The following ASCC2 variants were observed in gnomAD, a reference collection of about 807,000 sequenced individuals.
ASCC2 encodes the protein activating signal cointegrator 1 complex subunit 2.
In ASCC2, 42 loss-of-function variants were observed where a neutral mutation model predicts 93.5. The ratio of observed to expected loss-of-function variants is 0.45; its 90% CI spans 0.35 to 0.58. The LOEUF is 0.58. Among genes scored for constraint, ASCC2 ranks in the 20% least tolerant of loss-of-function variants. The pLI is 0.00. For missense variants in ASCC2, 859 were observed against 977.6 expected (o/e 0.88, Z 1.62); for synonymous variants, 364 against 384.2 (o/e 0.95, Z 0.62).
intron 15 of ASCC2, among the ~76,000 whole-genome samples, chr22:29,797,564 G>A (rs963404795): frequency 1.7e-4 from 26 of 152,154 alleles, no homozygotes; most frequent in African/African-American, 6.0e-4. Context: ...CCTTAACCTC[G>A]CTAAGTCTCA....
intron 12 of ASCC2, 120 bp from the exon 13 acceptor site, chr22:29,804,950 AAGT>A: frequency 1.2e-5 from 13 of 1,059,206 alleles, no homozygotes; most frequent in Non-Finnish European, 1.7e-5. Flanking sequence ...GGCTATATCT[AAGT>A]GGTATAGCCC....
intron 5 of ASCC2, among the ~76,000 whole-genome samples, chr22:29,817,896 C>T (rs1435869266): frequency 6.6e-6 from 1 of 152,168 alleles, no homozygotes; most frequent in African/African-American, 2.4e-5. Context: ...AATGGAGATA[C>T]TGCCAAGTAG....
intron 2 of ASCC2, chr22:29,827,418 T>C (rs1259135752): frequency 5.9e-6 from 2 of 336,162 alleles, no homozygotes; most frequent in African/African-American, 2.2e-5. Flanking sequence ...TATAGAAAAA[T>C]TGAGACTGAT....
At chr22:29,801,570 G>A (rs910020982) in intron 14 of ASCC2, among the ~76,000 whole-genome samples, 1 of 152,200 alleles carries the variant, frequency 6.6e-6, no homozygotes, top group Non-Finnish European at 1.5e-5. Context: ...GCTGTCCCAT[G>A]GGGCCTTCAG....
intron 2 of ASCC2, among the ~76,000 whole-genome samples, chr22:29,830,713 G>T (rs560272833): frequency 6.6e-6 from 1 of 152,202 alleles, no homozygotes; most frequent in East Asian, 1.9e-4. Context: ...CTCTTAGGTC[G>T]TGGGCTCTTC....
Position 29,789,029 on chromosome 22 carries a change from C to T in ASCC2, c.2258G>A (p.Gly753Asp), listed in dbSNP as rs779699735. The change falls in exon 20 of 20, where the codon GGC becomes GAC. Residue 753 changes from glycine (G) to aspartate (D), a missense_variant. Physicochemically the swap from Gly to Asp is moderately conservative, Grantham distance 94. Coordinates refer to ENST00000307790, the MANE Select transcript of ASCC2 (RefSeq NM_032204.5). ...RTMADRKRSKGMIPS is the reference protein window; with the variant it reads ...RTMADRKRSKDMIPS ...CACCAGGTCTCAGGATGGGATCATG[C>T]CTTTGCTCCTCTTGCGGTCGGCCAT... 6.2e-7 allele frequency: 1 copy of T among 1,614,166 alleles called. No individual in the cohort carries two copies. Among genetic ancestry groups the T allele is most frequent in the South Asian group, 1.1e-5 (1 of 91,082 alleles).
rs182095405 is a variant in ASCC2, at chr22:29,835,594, C to G, written c.-18+2584G>C. Among the ~76,000 whole-genome samples, 6 of 152,218 alleles carry G rather than the reference C, an allele frequency of 3.9e-5. No homozygotes were observed. In the East Asian group the frequency reaches 7.7e-4, roughly 20 times the overall value. ...ACCTTGAGACAGTTCCCTAACCTCT[C>G]TAACTTTTGATTGCCTCTTCTGTAA... On this transcript the variant is annotated intron_variant, in intron 1 of 19. Transcript: ENST00000307790.
intron 8 of ASCC2, among the ~76,000 whole-genome samples, chr22:29,811,511 A>G (rs1270525990): frequency 2.0e-5 from 3 of 152,256 alleles, no homozygotes; most frequent in African/African-American, 4.8e-5. Context: ...GGGATTATCA[A>G]CAAAGCTGAT....
At chr22:29,790,339 A>T in intron 19 of ASCC2, 130 bp downstream of exon 19, 1 of 864,824 alleles carries the variant, frequency 1.2e-6, no homozygotes, top group Non-Finnish European at 1.8e-6. Flanking sequence ...TAGCTACTTC[A>T]CTGGGTTGTC....
At chr22:29,800,857 G>T in intron 15 of ASCC2, 134 bp downstream of exon 15, 1 of 1,153,736 alleles carries the variant, frequency 8.7e-7, no homozygotes, top group Non-Finnish European at 1.2e-6. Context: ...GGGTGCACAG[G>T]TCTAGGGTTG....
rs1194597959 is a variant in ASCC2 at position 29,827,841 on chromosome 22, A to G, written c.82-2061T>C. Among the ~76,000 whole-genome samples, 55 of 122,646 alleles carry G rather than the reference A, an allele frequency of 4.5e-4. 3 individuals carry two copies. The highest frequency in any genetic ancestry group is 1.3e-3 in the African/African-American group (40 of 30,274). 80.5% of individuals were successfully genotyped at this position (122,646 alleles called of 152,430 possible). ...CACACACACACACACATACACCCAGACTACTCATTCTCCTGACACACACAC... is the reference window on the plus strand; with the variant it reads ...CACACACACACACACATACACCCAGGCTACTCATTCTCCTGACACACACAC... On this transcript the variant is annotated intron_variant, in intron 2 of 19. Transcript: ENST00000307790.
In ASCC2 at chr22:29,828,262, G is replaced by A. The variant is rs138086788; in HGVS notation, c.82-2482C>T. On this transcript the variant is annotated intron_variant, in intron 2 of 19. Coordinates refer to ENST00000307790, the MANE Select transcript of ASCC2 (RefSeq NM_032204.5). ...CAAAAGGGCACAGATTGCACTGGGC[G>A]GTGGGAGACAGATTTGGTGAATGCT... Among the ~76,000 whole-genome samples the A allele has an allele frequency of 2.8e-3, 422 of 152,302 alleles. 2 individuals are homozygous for A. The highest frequency in any genetic ancestry group is 9.6e-3 in the African/African-American group (399 of 41,566).
Position 29,792,480 on chromosome 22 carries a change from C to T in ASCC2, c.1975G>A (p.Glu659Lys). The T allele has an allele frequency of 6.2e-7, 1 of 1,614,104 alleles. No homozygotes were observed. Among genetic ancestry groups the T allele is most frequent in the South Asian group, 1.1e-5 (1 of 91,084 alleles). Reference protein sequence around the residue: ...RTKVPREGQEEDDDDEEDDAD... With the variant: ...RTKVPREGQEKDDDDEEDDAD... Reference sequence around the variant, plus strand: ...TCGTCTTCCTCATCGTCGTCATCCTCCTCCTGCCCTTCTCTAGGCACTTTG... The same window carrying T: ...TCGTCTTCCTCATCGTCGTCATCCTTCTCCTGCCCTTCTCTAGGCACTTTG... Residue 659 changes from glutamate to lysine, a missense_variant, in exon 18 of 20, where the codon GAG (glutamate) becomes AAG (lysine). Physicochemically the swap from Glu to Lys is moderately conservative, Grantham distance 56. Transcript: ENST00000307790.
chr22:29,835,867 G>C (rs1450208374), intron 1 of ASCC2, among the ~76,000 whole-genome samples: 2 of 152,152 alleles, frequency 1.3e-5, no homozygotes, highest in Non-Finnish European at 2.9e-5. Context: ...AACAGGAAAT[G>C]TCCAAAACTA....
chr22:29,791,862 C>T (rs1180948109), intron 18 of ASCC2, among the ~76,000 whole-genome samples: 1 of 152,206 alleles, frequency 6.6e-6, no homozygotes, highest in African/African-American at 2.4e-5. Context: ...GCGCAGTCCC[C>T]ACCAGGCCCC....
At chr22:29,801,601 AT>A (rs1198041718) in intron 14 of ASCC2, among the ~76,000 whole-genome samples, 2 of 152,276 alleles carry the variant, frequency 1.3e-5, no homozygotes, top group East Asian at 3.9e-4. Context: ...GGCCAAATAA[AT>A]GGTAGGTGTG....
At position 29,832,330 on chromosome 22, in the gene ASCC2, C is replaced by T. The variant is rs1238086171; in HGVS notation, c.-5G>A. ...GTCCAGGGGCAGAGCTGGCATTGTGCTGCGTGACCCTCCTGAAAGGAATAT... is the reference window on the plus strand; with the variant it reads ...GTCCAGGGGCAGAGCTGGCATTGTGTTGCGTGACCCTCCTGAAAGGAATAT... On this transcript the variant is annotated 5_prime_UTR_variant, in exon 2 of 20. Coordinates refer to ENST00000307790, the MANE Select transcript of ASCC2 (RefSeq NM_032204.5). The T allele has an allele frequency of 2.5e-6, 4 of 1,611,966 alleles. No individual in the cohort carries two copies. Among genetic ancestry groups the T allele is most frequent in the Non-Finnish European group, 3.4e-6 (4 of 1,178,190 alleles).
rs770043157 is a variant in ASCC2, at chr22:29,793,589, C to T, written c.1776G>A (p.Val592=). 9 of 1,612,462 alleles carry T rather than the reference C, an allele frequency of 5.6e-6. No homozygotes were observed. The South Asian group carries it at 9.9e-5, about 18-fold the overall frequency. ...CTTGGTGGCCTACCTCCTCCACCAC[C>T]ACGCTGTACTGCTCGTAGCGCTGCC... ...AQRQRYEQYS[V]VVEEVPLQPG... Residue 592 remains valine (V), a synonymous_variant, in exon 16 of 20, where the codon GTG becomes GTA. Transcript: ENST00000307790.
At chr22:29,827,856 G>GAC (rs5844871) in intron 2 of ASCC2, among the ~76,000 whole-genome samples, 12,927 of 43,128 alleles carry the variant, frequency 0.3, 4,175 homozygotes, top group East Asian at 0.62. Flanking sequence ...TCATTCTCCT[G>GAC]ACACACACAC....
Sources: allele counts gnomAD v4.1 joint callset (sites outside exome capture counted in the v4.1 genomes callset), GRCh38; gene constraint gnomAD v4.1.1; transcripts MANE v1.5; gene names NCBI Gene and HGNC (gene_info 2026-07-23, HGNC 2026-07-21).